The following UGP2 variants were observed in gnomAD, a reference collection of about 807,000 sequenced individuals.
UGP2 encodes UDP-glucose pyrophosphorylase 2, also known as UTP--glucose-1-phosphate uridylyltransferase.
In UGP2, 40 loss-of-function variants were observed where a neutral mutation model predicts 49.0. That is an observed-to-expected ratio of 0.82 (90% CI 0.63 to 1.06). UGP2 has a LOEUF of 1.06. Among genes scored for constraint, UGP2 ranks in the 50% least tolerant of loss-of-function variants. The pLI, the probability that UGP2 is intolerant of heterozygous loss-of-function variation, is 0.00. For missense variants in UGP2, 460 were observed against 603.5 expected, an observed-to-expected ratio of 0.76 and a Z score of 2.49; for synonymous variants, 225 against 213.0, an observed-to-expected ratio of 1.06 and a Z score of -0.49.
intron 9 of UGP2, among the ~76,000 whole-genome samples, chr2:63,890,506 C>T (rs2287361): frequency 0.18 from 27,261 of 151,936 alleles, 3,137 homozygotes; most frequent in Non-Finnish European, 0.24. Flanking sequence ...TCCAGCCTCA[C>T]GTAAGAAATA....
Position 63,842,156 on chromosome 2 carries a change from AAAG to A in UGP2, c.-29_-27del. The A allele has an allele frequency of 6.3e-7, 1 of 1,579,084 alleles. No individual in the cohort carries two copies. The highest frequency in any genetic ancestry group is 8.5e-7 in the Non-Finnish European group (1 of 1,170,252). On this transcript the variant is annotated 5_prime_UTR_variant, in exon 1 of 10. Transcript: ENST00000337130. ...GTGACTCCTCTAGAAAAAAAAAAAAAAAGCCGGAGTATTTTACTAAGCCCCTAA... is the reference window on the plus strand; with the variant it reads ...GTGACTCCTCTAGAAAAAAAAAAAAACCGGAGTATTTTACTAAGCCCCTAA...
At chr2:63,844,624 C>T (rs549464576) in intron 1 of UGP2, among the ~76,000 whole-genome samples, 2 of 152,094 alleles carry the variant, frequency 1.3e-5, no homozygotes, top group South Asian at 2.1e-4. Flanking sequence ...TGCAGTGGTG[C>T]GATCACAGCT....
chr2:63,843,550 T>G (rs530399805), intron 1 of UGP2, among the ~76,000 whole-genome samples: 1 of 152,234 alleles, frequency 6.6e-6, no homozygotes, highest in East Asian at 1.9e-4. Flanking sequence ...GTGTTCCATG[T>G]AGAGTTATGC....
At chr2:63,847,105 A>G (rs1401447207) in intron 1 of UGP2, among the ~76,000 whole-genome samples, 1 of 152,210 alleles carries the variant, frequency 6.6e-6, no homozygotes, top group African/African-American at 2.4e-5. Flanking sequence ...CATTTGTGAA[A>G]GTCTACTGAG....
At chr2:63,857,482 G>A (rs1669522914) in intron 2 of UGP2, 1 of 393,024 alleles carries the variant, frequency 2.5e-6, no homozygotes, top group South Asian at 1.9e-5. Flanking sequence ...TCCCACCTCA[G>A]CCCCCGAGTA....
chr2:63,887,525 T>C lies in UGP2; in HGVS notation c.1195T>C (p.Ser399Pro). The change falls in exon 8 of 10, where the codon TCA becomes CCA. Residue 399 changes from serine to proline, a missense_variant. By Grantham distance (74) the Ser-to-Pro change is moderately conservative. This residue lies in a region of UGP2 where 317 missense variants were observed against 473.0 expected (regional missense o/e 0.67). Coordinates refer to ENST00000337130, the MANE Select transcript of UGP2 (RefSeq NM_006759.4). ...RSRFLPVKTT[S>P]DLLLVMSNLY... The stretch of plus-strand genomic sequence containing the variant: ...CCGTTTTCTGCCTGTCAAAACCACA[T>C]CAGATCTCTTGCTGGTGATGTCAAA... The C allele has an allele frequency of 6.2e-7, 1 of 1,613,874 alleles. No homozygotes were observed. Among genetic ancestry groups the C allele is most frequent in the Non-Finnish European group, 8.5e-7 (1 of 1,179,950 alleles).
intron 3 of UGP2, chr2:63,859,072 G>C (rs1376809769): frequency 7.3e-5 from 11 of 150,598 alleles, no homozygotes; most frequent in Admixed American, 7.3e-4. Flanking sequence ...AAGGCTCATT[G>C]CAGCCTCTAT....
At chr2:63,862,857 G>A in intron 3 of UGP2, 1 of 456,154 alleles carries the variant, frequency 2.2e-6, no homozygotes, top group Non-Finnish European at 4.4e-6. Context: ...TAACAAGAAG[G>A]GAGATACAAG....
chr2:63,845,317 A>G (rs1671853730), intron 1 of UGP2, among the ~76,000 whole-genome samples: 1 of 152,172 alleles, frequency 6.6e-6, no homozygotes, highest in Non-Finnish European at 1.5e-5. Context: ...AAATGAGATG[A>G]ACTATGTGGA....
At chr2:63,842,447 A>T (rs1321430967) in intron 1 of UGP2, 2 of 1,549,558 alleles carry the variant, frequency 1.3e-6, no homozygotes, top group South Asian at 2.3e-5. Context: ...GGTTAGTAGT[A>T]CCGTCGCTTT....
chr2:63,842,665 G>C (rs1671649957), intron 1 of UGP2: 2 of 1,369,282 alleles, frequency 1.5e-6, no homozygotes, highest in Admixed American at 3.2e-5. Flanking sequence ...TTGTGTGTAC[G>C]TGGTTTGCGT....
In UGP2 at chr2:63,885,820, C is replaced by T; in HGVS notation, c.807C>T (p.Asn269=). 2 of 1,607,984 alleles carry T rather than the reference C, an allele frequency of 1.2e-6. No homozygotes were observed. Among genetic ancestry groups the T allele is most frequent in the East Asian group, 2.2e-5 (1 of 44,520 alleles). The change falls in exon 6 of 10, where the codon AAC becomes AAT. Residue 269 remains asparagine (N), a synonymous_variant. Transcript: ENST00000337130. ...VDLYILNHLM[N]PPNGKRCEFV... is the part of the protein sequence containing the mutation. ...TGTATATTCTTAATCATCTAATGAACCCACCCAATGGAAAACGCTGTGAAT... is the reference window on the plus strand; with the variant it reads ...TGTATATTCTTAATCATCTAATGAATCCACCCAATGGAAAACGCTGTGAAT...
At chr2:63,857,533 T>C (rs1216804870) in intron 2 of UGP2, 5 of 459,530 alleles carry the variant, frequency 1.1e-5, no homozygotes, top group Non-Finnish European at 1.7e-5. Flanking sequence ...TGGCTAATTT[T>C]TGTATTTTTT....
intron 1 of UGP2, among the ~76,000 whole-genome samples, chr2:63,844,134 C>T (rs374699077): frequency 6.6e-6 from 1 of 152,296 alleles, no homozygotes. Context: ...GACACCTCCT[C>T]AAAATTTTTT....
At chr2:63,875,871 T>C (rs1290316313) in intron 3 of UGP2, among the ~76,000 whole-genome samples, 1 of 152,008 alleles carries the variant, frequency 6.6e-6, no homozygotes, top group Non-Finnish European at 1.5e-5. Flanking sequence ...AGAAACAGGG[T>C]GATTAGAATT....
At chr2:63,874,178 G>GA in intron 3 of UGP2, among the ~76,000 whole-genome samples, 1 of 152,210 alleles carries the variant, frequency 6.6e-6, no homozygotes, top group East Asian at 1.9e-4. Flanking sequence ...AGTGAAAGGG[G>GA]AAAAAAATGA....
intron 3 of UGP2, among the ~76,000 whole-genome samples, chr2:63,881,305 G>C (rs766391445): frequency 6.6e-6 from 1 of 151,776 alleles, no homozygotes; most frequent in Non-Finnish European, 1.5e-5. Flanking sequence ...TAGATCACTG[G>C]AGTGTGAGCC....
intron 8 of UGP2, chr2:63,889,400 C>T (rs184413256): frequency 8.6e-4 from 130 of 150,700 alleles, no homozygotes; most frequent in African/African-American, 3.1e-3. Flanking sequence ...CTTGATAGGC[C>T]ATAAGAAGGG....
At chr2:63,856,776 T>G (rs755659068) in intron 2 of UGP2, 55 of 465,686 alleles carry the variant, frequency 1.2e-4, no homozygotes, top group Non-Finnish European at 1.7e-4. Flanking sequence ...ATGTCCTGCA[T>G]GCCTTTTCCA....
Sources: allele counts gnomAD v4.1 joint callset (sites outside exome capture counted in the v4.1 genomes callset), GRCh38; gene constraint gnomAD v4.1.1; regional missense constraint gnomAD v4.1.1; transcripts MANE v1.5; gene names NCBI Gene and HGNC (gene_info 2026-07-23, HGNC 2026-07-21).